ATP7A: variants seen among roughly 807,000 people sequenced by gnomAD.
ATP7A encodes ATPase copper transporting alpha.
Under a neutral mutation model 83.5 loss-of-function variants are expected in ATP7A, and 7 were observed. The ratio of observed to expected loss-of-function variants is 0.08; its 90% CI spans 0.05 to 0.16. The LOEUF (loss-of-function observed/expected upper bound fraction) is 0.16, where lower values mean the gene tolerates loss of function less well. Among genes scored for constraint, ATP7A ranks in the 10% least tolerant of loss-of-function variants. The pLI is 1.00. For missense variants in ATP7A, 940 were observed against 1,120.8 expected (o/e 0.84, Z 2.30); for synonymous variants, 354 against 395.2 (o/e 0.90, Z 1.24).
chrX:77,932,427 A>G (rs2077292013), intron 1 of ATP7A, among the ~76,000 whole-genome samples: 1 of 92,762 alleles, frequency 1.1e-5, no homozygotes, highest in Non-Finnish European at 2.1e-5. Flanking sequence ...CAGACTGGGC[A>G]GCCAGGCAGA....
chrX:78,016,546 G>T (rs1219418013), intron 12 of ATP7A, among the ~76,000 whole-genome samples: 4 of 111,457 alleles, frequency 3.6e-5, no homozygotes, highest in Non-Finnish European at 7.5e-5. Context: ...GACAAGACAA[G>T]TCCCTTCCAC....
Position 78,038,981 on chromosome X carries a change from T to C in ATP7A, c.3657T>C (p.Asp1219=). 1 of 1,210,094 alleles carries C rather than the reference T, an allele frequency of 8.3e-7. No homozygotes were observed. Among genetic ancestry groups the C allele is most frequent in the Non-Finnish European group, 1.1e-6 (1 of 894,016 alleles). The change falls in exon 18 of 23, where the codon GAT becomes GAC. Residue 1219 remains aspartate (D), a splice_region_variant and synonymous_variant. Transcript: ENST00000341514. ...GGACTGCTGTATTAGTAGCAGTTGA[T>C]GGTAAGGTTTTCCATAAGTATGCTA... is the stretch of plus-strand genomic sequence containing the variant. ...KGRTAVLVAV[D]DELCGLIAIA... is the part of the protein sequence containing the mutation.
intron 19 of ATP7A, 140 bp downstream of exon 19, chrX:78,040,873 C>A: frequency 1.2e-6 from 1 of 801,207 alleles, no homozygotes; most frequent in Non-Finnish European, 1.8e-6. Flanking sequence ...GAAAATTTAC[C>A]ATGCTTTGCT....
intron 1 of ATP7A, among the ~76,000 whole-genome samples, chrX:77,916,980 A>C (rs1557222604): frequency 9.0e-6 from 1 of 111,685 alleles, no homozygotes; most frequent in African/African-American, 3.2e-5. Context: ...AGGAGGTGGG[A>C]CTTCAGTTCA....
In ATP7A at chrX:77,923,607, T is replaced by C. The variant is rs193284930; in HGVS notation, c.-22+12772T>C. 2.7e-5 allele frequency: 3 copies of C among 109,710 alleles called. No individual in the cohort carries two copies. In the East Asian group the frequency reaches 8.4e-4, roughly 31 times the overall value. 9.0% of individuals were successfully genotyped at this position (109,710 alleles called of 1,213,427 possible). ...TTTTTTTTTTTGAGACAGAGTCTGT[T>C]TACCTTTTTTTGTGTGCTGATATGT... On this transcript the variant is annotated intron_variant, in intron 1 of 22. Coordinates refer to ENST00000341514, the MANE Select transcript of ATP7A (RefSeq NM_000052.7).
intron 5 of ATP7A, 40 bp from the exon 6 acceptor site, chrX:78,003,033 A>G: frequency 8.7e-7 from 1 of 1,144,789 alleles, no homozygotes; most frequent in Non-Finnish European, 1.2e-6. Flanking sequence ...CTTTTTAAAA[A>G]GAATGTTATC....
At chrX:78,022,288 A>G (rs5959965) in intron 14 of ATP7A, among the ~76,000 whole-genome samples, 3,140 of 110,731 alleles carry the variant, frequency 0.028, 121 homozygotes, top group African/African-American at 0.099. Flanking sequence ...ATATAGATCT[A>G]TAATTCTTGG....
intron 1 of ATP7A, among the ~76,000 whole-genome samples, chrX:77,934,345 A>G (rs1557224851): frequency 9.0e-6 from 1 of 111,371 alleles, no homozygotes; most frequent in Non-Finnish European, 1.9e-5. Context: ...TTGAGCCCAG[A>G]AATTTGAGGC....
chrX:78,023,919 A>G (rs2077924903), intron 14 of ATP7A, among the ~76,000 whole-genome samples: 1 of 111,290 alleles, frequency 9.0e-6, no homozygotes, highest in Non-Finnish European at 1.9e-5. Context: ...TGGGGTTTTT[A>G]TAGTTTGAGG....
intron 1 of ATP7A, among the ~76,000 whole-genome samples, chrX:77,941,436 C>G (rs1424724700): frequency 9.0e-6 from 1 of 110,575 alleles, no homozygotes; most frequent in Non-Finnish European, 1.9e-5. Flanking sequence ...GAGATGAGGT[C>G]TCACTATGTT....
chrX:77,991,127 C>G (rs1414080162), intron 4 of ATP7A, among the ~76,000 whole-genome samples: 1 of 111,728 alleles, frequency 9.0e-6, no homozygotes, highest in Non-Finnish European at 1.9e-5. Flanking sequence ...TGTTAGTATA[C>G]TTACAGAGTT....
intron 14 of ATP7A, among the ~76,000 whole-genome samples, chrX:78,023,979 G>C (rs1557236074): frequency 9.0e-6 from 1 of 111,183 alleles, no homozygotes; most frequent in Non-Finnish European, 1.9e-5. Context: ...TTTATATGGT[G>C]AGAGATATGA....
In ATP7A at chrX:77,989,828, G is replaced by A; in HGVS notation, c.1206G>A (p.Lys402=). The A allele has an allele frequency of 3.3e-6, 4 of 1,211,234 alleles. No individual in the cohort carries two copies. The highest frequency in any genetic ancestry group is 4.5e-6 in the Non-Finnish European group (4 of 895,173). Residue 402 remains lysine, a synonymous_variant, in exon 4 of 23, where the codon AAG becomes AAA. Coordinates refer to ENST00000341514, the MANE Select transcript of ATP7A (RefSeq NM_000052.7). ...CTATTGAGGGTGTCATATCAAAAAA[G>A]CCAGGTGTAAAATCCATACGAGTCT... ...VQSIEGVISK[K]PGVKSIRVSL...
chrX:78,014,965 C>T (rs782563147), intron 11 of ATP7A, among the ~76,000 whole-genome samples: 4 of 111,731 alleles, frequency 3.6e-5, no homozygotes, highest in South Asian at 3.7e-4. Flanking sequence ...TATTGTTTTA[C>T]GGCTAAATAT....
At chrX:78,025,114 A>G (rs1281929190) in intron 14 of ATP7A, among the ~76,000 whole-genome samples, 1 of 111,754 alleles carries the variant, frequency 8.9e-6, no homozygotes, top group Non-Finnish European at 1.9e-5. Flanking sequence ...AAGCTATGGC[A>G]TAGAAGCTAT....
intron 1 of ATP7A, among the ~76,000 whole-genome samples, chrX:77,933,168 G>A (rs1161211619): frequency 8.9e-6 from 1 of 111,834 alleles, no homozygotes; most frequent in Admixed American, 9.5e-5. Flanking sequence ...ACAACCCTCT[G>A]AAACAGATGA....
intron 1 of ATP7A, among the ~76,000 whole-genome samples, chrX:77,922,562 A>G (rs1557223230): frequency 1.8e-5 from 2 of 110,781 alleles, no homozygotes; most frequent in African/African-American, 3.3e-5. Flanking sequence ...TTACATACAC[A>G]CACCCCACCC....
At chrX:77,952,107 G>A (rs940560275) in intron 1 of ATP7A, among the ~76,000 whole-genome samples, 6 of 111,976 alleles carry the variant, frequency 5.4e-5, no homozygotes, top group African/African-American at 1.9e-4. Context: ...CTACTAAAGG[G>A]TATCTTGGTT....
Position 77,914,878 on chromosome X carries a change from T to C in ATP7A, c.-22+4043T>C, listed in dbSNP as rs1356519727. On this transcript the variant is annotated intron_variant, in intron 1 of 22. Transcript: ENST00000341514. The stretch of plus-strand genomic sequence containing the variant: ...ACCTAGGCTGGAGTGAAATGGTCTA[T>C]GTTTGTTTTTTCATCTTGACAGTAA... Among the ~76,000 whole-genome samples the C allele has an allele frequency of 2.7e-5, 3 of 112,371 alleles. No homozygotes were observed. The East Asian group carries it at 8.3e-4, about 31-fold the overall frequency.
Sources: allele counts gnomAD v4.1 joint callset (sites outside exome capture counted in the v4.1 genomes callset), GRCh38; gene constraint gnomAD v4.1.1; transcripts MANE v1.5; gene names NCBI Gene and HGNC (gene_info 2026-07-23, HGNC 2026-07-21).